Variants in INPP5F observed in about 807,000 individuals in gnomAD.
INPP5F encodes inositol polyphosphate-5-phosphatase F, also known as phosphatidylinositide 4-phosphatase SAC2.
INPP5F carries 97 observed loss-of-function variants against 137.2 expected under a neutral mutation model. The ratio of observed to expected loss-of-function variants is 0.71; its 90% CI spans 0.60 to 0.84. INPP5F has a LOEUF of 0.84. INPP5F is among the 40% of genes least tolerant of loss of function. The pLI is 0.00. For missense variants in INPP5F, 1,271 were observed against 1,371.9 expected, an observed-to-expected ratio of 0.93 and a Z score of 1.16; for synonymous variants, 504 against 476.9, an observed-to-expected ratio of 1.06 and a Z score of -0.74.
intron 15 of INPP5F, among the ~76,000 whole-genome samples, chr10:119,817,801 G>T (rs1315650608): frequency 6.6e-6 from 1 of 152,158 alleles, no homozygotes; most frequent in East Asian, 1.9e-4. Flanking sequence ...TTGATGCTTT[G>T]TCCATCATAT....
intron 13 of INPP5F, among the ~76,000 whole-genome samples, chr10:119,809,116 A>C (rs577435425): frequency 8.6e-5 from 13 of 151,380 alleles, no homozygotes; most frequent in Admixed American, 2.0e-4. Flanking sequence ...CCAGCTACTC[A>C]CTCAGATGGC....
intron 6 of INPP5F, among the ~76,000 whole-genome samples, chr10:119,794,472 C>A (rs1376662969): frequency 1.2e-4 from 18 of 152,144 alleles, no homozygotes; most frequent in Middle Eastern, 3.4e-3. Flanking sequence ...CCCCACCTTT[C>A]CCCCCTTTCT....
At chr10:119,752,494 A>G (rs578193075) in intron 2 of INPP5F, among the ~76,000 whole-genome samples, 257 of 151,640 alleles carry the variant, frequency 1.7e-3, no homozygotes, top group African/African-American at 6.0e-3. Flanking sequence ...CTGAGGCAGG[A>G]GAATCGCTTG....
At chr10:119,730,757 G>C (rs891720195) in intron 1 of INPP5F, among the ~76,000 whole-genome samples, 2 of 151,434 alleles carry the variant, frequency 1.3e-5, no homozygotes, top group African/African-American at 4.9e-5. Flanking sequence ...ACTGTATATG[G>C]AAAGGTGATA....
chr10:119,755,028 TC>T (rs1346156210), intron 2 of INPP5F, among the ~76,000 whole-genome samples: 16 of 152,256 alleles, frequency 1.1e-4, no homozygotes, highest in Admixed American at 1.3e-4. Flanking sequence ...CACAAATTTT[TC>T]TTCTCACCTA....
Position 119,808,012 on chromosome 10 carries a change from T to G in INPP5F, c.1521T>G (p.Asn507Lys), listed in dbSNP as rs760701640. The change falls in exon 13 of 20, where the codon AAT (asparagine) becomes AAG (lysine). Residue 507 changes from asparagine to lysine, a missense_variant. Coordinates refer to ENST00000650623, the MANE Select transcript of INPP5F (RefSeq NM_014937.4). ...GCATCTACCAGATAATGTGGGCCAA[T>G]AATGGTGACTCCATTAGCAGACAGT... ...CNRIYQIMWA[N>K]NGDSISRQYA... is the part of the protein sequence containing the mutation. 1 of 1,613,954 alleles carries G rather than the reference T, an allele frequency of 6.2e-7. No individual in the cohort carries two copies. Among genetic ancestry groups the G allele is most frequent in the Non-Finnish European group, 8.5e-7 (1 of 1,180,026 alleles).
chr10:119,734,926 A>G (rs935334330), intron 1 of INPP5F, among the ~76,000 whole-genome samples: 1 of 152,236 alleles, frequency 6.6e-6, no homozygotes, highest in South Asian at 2.1e-4. Flanking sequence ...TCAGCTGCCC[A>G]TAATTGAGCT....
At chr10:119,773,861 C>T (rs570397585) in intron 2 of INPP5F, among the ~76,000 whole-genome samples, 2 of 152,294 alleles carry the variant, frequency 1.3e-5, no homozygotes, top group South Asian at 4.1e-4. Flanking sequence ...GGCCACCACG[C>T]CTGGTGTTAC....
At chr10:119,752,265 C>T (rs947111747) in intron 2 of INPP5F, among the ~76,000 whole-genome samples, 2 of 152,104 alleles carry the variant, frequency 1.3e-5, no homozygotes, top group African/African-American at 2.4e-5. Context: ...TTAAAATACA[C>T]GCATGTATCT....
Position 119,748,783 on chromosome 10 carries a change from T to G in INPP5F, c.98-2293T>G, listed in dbSNP as rs1364059399. Among the ~76,000 whole-genome samples the G allele has an allele frequency of 1.3e-5, 2 of 152,176 alleles. No homozygotes were observed. Among genetic ancestry groups the G allele is most frequent in the African/African-American group, 2.4e-5 (1 of 41,440 alleles). On this transcript the variant is annotated intron_variant, in intron 1 of 19. Transcript: ENST00000650623. The surrounding 1 kb of genome is among the most constrained non-coding windows in gnomAD (Gnocchi z 4.7). The stretch of plus-strand genomic sequence containing the variant: ...AAGCACCCTGAGTTCTTACTCCAGC[T>G]CACGGACTCCACCCGGAACCTGCAG...
chr10:119,818,043 C>T (rs554044101), intron 15 of INPP5F, among the ~76,000 whole-genome samples: 2 of 152,352 alleles, frequency 1.3e-5, no homozygotes, highest in East Asian at 3.9e-4. Context: ...GGGCATTGGT[C>T]GCCGGATACA....
intron 4 of INPP5F, 77 bp from the exon 5 acceptor site, chr10:119,791,788 TTCTG>T: frequency 7.3e-7 from 1 of 1,375,766 alleles, no homozygotes. Context: ...TTATTTTCAC[TTCTG>T]TCTTAGGAAT....
In INPP5F at chr10:119,726,221, GC is replaced by G. The variant is rs1385892700; in HGVS notation, c.-40del. 9.7e-6 allele frequency: 13 copies of G among 1,337,040 alleles called. No homozygotes were observed. The highest frequency in any genetic ancestry group is 1.3e-5 in the Non-Finnish European group (13 of 1,018,612). 82.8% of individuals were successfully genotyped at this position (1,337,040 alleles called of 1,614,324 possible). On this transcript the variant is annotated 5_prime_UTR_variant, in exon 1 of 20. Transcript: ENST00000650623. ...CTCGACCGACTAGGACGCCCCGTGCGCCGCCCGCGGGCCGCCGCCTCCCTGG... is the reference window on the plus strand; with the variant it reads ...CTCGACCGACTAGGACGCCCCGTGCGCGCCCGCGGGCCGCCGCCTCCCTGG...
At chr10:119,776,891 C>T (rs1022951254) in intron 2 of INPP5F, among the ~76,000 whole-genome samples, 1 of 152,054 alleles carries the variant, frequency 6.6e-6, no homozygotes, top group African/African-American at 2.4e-5. Context: ...GCTGAGACTA[C>T]AGGCATGTAC....
chr10:119,806,730 T>C (rs753117156), intron 12 of INPP5F, among the ~76,000 whole-genome samples: 16 of 152,226 alleles, frequency 1.1e-4, no homozygotes, highest in Non-Finnish European at 2.1e-4. Flanking sequence ...TTGGGTGGCA[T>C]TGTGTGGTCA....
chr10:119,753,379 A>C (rs1848742514), intron 2 of INPP5F, among the ~76,000 whole-genome samples: 1 of 152,232 alleles, frequency 6.6e-6, no homozygotes. Flanking sequence ...TTATGTAACA[A>C]GCCAGTCCCA....
chr10:119,772,635 G>T (rs1849400585), intron 2 of INPP5F, among the ~76,000 whole-genome samples: 1 of 152,046 alleles, frequency 6.6e-6, no homozygotes, highest in Non-Finnish European at 1.5e-5. Context: ...GCTATATTTT[G>T]TTTTGCTTTT....
At position 119,807,842 on chromosome 10, in the gene INPP5F, T is replaced by C. The variant is rs1048918512; in HGVS notation, c.1441-90T>C. The C allele has an allele frequency of 2.8e-5, 36 of 1,268,888 alleles. No individual in the cohort carries two copies. The Middle Eastern group carries it at 2.4e-3, about 83-fold the overall frequency. 78.6% of individuals were successfully genotyped at this position (1,268,888 alleles called of 1,614,324 possible). A position where few individuals can be genotyped will look rare whatever the true frequency, so the allele number is the denominator to read the frequency against. ...TCTTATTTAAGGGTCCTAAATTGTATATGAATATGTTTCCTTTTTCTGCAG... is the reference window on the plus strand; with the variant it reads ...TCTTATTTAAGGGTCCTAAATTGTACATGAATATGTTTCCTTTTTCTGCAG... On this transcript the variant is annotated intron_variant, in intron 12 of 19. Transcript: ENST00000650623.
intron 2 of INPP5F, among the ~76,000 whole-genome samples, chr10:119,778,676 A>C (rs1424815160): frequency 2.0e-5 from 3 of 152,160 alleles, no homozygotes; most frequent in Non-Finnish European, 2.9e-5. Flanking sequence ...GAGAATTACC[A>C]ACCCATACTC....
Sources: gnomAD v4.1 joint callset for allele counts (sites outside exome capture counted in the v4.1 genomes callset) on GRCh38, gnomAD v4.1.1 for gene constraint, Gnocchi (gnomAD v3.1) non-coding constraint, MANE v1.5 for transcripts, NCBI Gene and HGNC (gene_info 2026-07-23, HGNC 2026-07-21) for gene names.